The following IL1RAPL1 variants were observed in gnomAD, a reference collection of about 807,000 sequenced individuals.
IL1RAPL1 encodes interleukin-1 receptor accessory protein-like 1.
IL1RAPL1 carries 3 observed loss-of-function variants against 48.4 expected under a neutral mutation model. The ratio of observed to expected loss-of-function variants is 0.06; its 90% CI spans 0.03 to 0.16. The LOEUF (loss-of-function observed/expected upper bound fraction) is 0.16, where lower values mean the gene tolerates loss of function less well. Ranked by LOEUF, IL1RAPL1 falls within the 10% of genes least tolerant of loss-of-function variation. IL1RAPL1 has a pLI of 1.00. For missense variants in IL1RAPL1, 349 were observed against 530.6 expected, an observed-to-expected ratio of 0.66 and a Z score of 3.36; for synonymous variants, 185 against 187.7, an observed-to-expected ratio of 0.99 and a Z score of 0.12.
At chrX:28,698,544 TTTG>T (rs1261956107) in intron 1 of IL1RAPL1, among the ~76,000 whole-genome samples, 1 of 111,663 alleles carries the variant, frequency 9.0e-6, no homozygotes, top group African/African-American at 3.2e-5. Context: ...TTTTAGTGCT[TTTG>T]TTTTATATAA....
intron 3 of IL1RAPL1, among the ~76,000 whole-genome samples, chrX:29,363,777 G>A (rs184537327): frequency 5.4e-5 from 6 of 111,075 alleles, no homozygotes; most frequent in Non-Finnish European, 1.1e-4. Flanking sequence ...ACCAGATCTC[G>A]TGAGAACTCT....
intron 6 of IL1RAPL1, among the ~76,000 whole-genome samples, chrX:29,916,992 G>A (rs73456478): frequency 0.02 from 2,215 of 111,906 alleles, 52 homozygotes; most frequent in African/African-American, 0.064. Flanking sequence ...AGGATCTTGC[G>A]TTTATGGTTC....
At chrX:29,101,868 C>T (rs750800267) in intron 2 of IL1RAPL1, among the ~76,000 whole-genome samples, 5 of 111,274 alleles carry the variant, frequency 4.5e-5, no homozygotes, top group South Asian at 3.8e-4. Flanking sequence ...ACCCGGGAGG[C>T]GGAGGTTGCA....
intron 1 of IL1RAPL1, among the ~76,000 whole-genome samples, chrX:28,735,370 G>T (rs757992538): frequency 1.8e-5 from 2 of 110,497 alleles, no homozygotes; most frequent in African/African-American, 6.6e-5. Flanking sequence ...GTCTTGAAGG[G>T]CAGAAAGCAC....
chrX:29,760,879 T>G (rs746797672), intron 6 of IL1RAPL1, among the ~76,000 whole-genome samples: 2 of 112,151 alleles, frequency 1.8e-5, no homozygotes, highest in South Asian at 3.7e-4. Flanking sequence ...ATTCAACAAT[T>G]TTTTTATTGA....
chrX:28,630,983 G>A (rs1569141733), intron 1 of IL1RAPL1, among the ~76,000 whole-genome samples: 1 of 111,964 alleles, frequency 8.9e-6, no homozygotes, highest in Non-Finnish European at 1.9e-5. Flanking sequence ...AATAAGCAGC[G>A]CTAAGACAAG....
In IL1RAPL1 at chrX:29,567,368, GACTA is replaced by G. The variant is rs202109447; in HGVS notation, c.704-101056_704-101053del. Among the ~76,000 whole-genome samples the G allele has an allele frequency of 1.1e-4, 12 of 111,859 alleles. No individual in the cohort carries two copies. The South Asian group carries it at 3.3e-3, about 31-fold the overall frequency. On this transcript the variant is annotated intron_variant, in intron 5 of 10. Transcript: ENST00000378993. ...CAAAATAAATAAATTTTCTGATGTT[GACTA>G]ACTAAGACAACTTCTGTCCATAAAT...
chrX:29,774,516 G>A (rs1039172705), intron 6 of IL1RAPL1, among the ~76,000 whole-genome samples: 1 of 111,910 alleles, frequency 8.9e-6, no homozygotes, highest in Admixed American at 9.5e-5. Context: ...TCATGTTAAC[G>A]TATCAATTGC....
At chrX:29,698,834 A>G (rs952338223) in intron 6 of IL1RAPL1, among the ~76,000 whole-genome samples, 3 of 112,392 alleles carry the variant, frequency 2.7e-5, no homozygotes, top group African/African-American at 6.5e-5. Context: ...AAGTTCCTGC[A>G]TTTAGGATTC....
intron 5 of IL1RAPL1, among the ~76,000 whole-genome samples, chrX:29,520,991 G>T (rs757152039): frequency 9.0e-6 from 1 of 111,202 alleles, no homozygotes; most frequent in African/African-American, 3.3e-5. Context: ...CTCATGGTTT[G>T]TAATGTAATC....
At chrX:29,596,129 A>C (rs1230648993) in intron 5 of IL1RAPL1, among the ~76,000 whole-genome samples, 1 of 111,771 alleles carries the variant, frequency 8.9e-6, no homozygotes, top group Non-Finnish European at 1.9e-5. Flanking sequence ...TTTGGTGACT[A>C]TGGCCTTATA....
chrX:29,867,344 G>A (rs1238525084), intron 6 of IL1RAPL1, among the ~76,000 whole-genome samples: 1 of 111,423 alleles, frequency 9.0e-6, no homozygotes, highest in Admixed American at 9.6e-5. Context: ...CTAGTGTGAT[G>A]GTATTAAGAA....
At chrX:28,960,019 T>A (rs887537758) in intron 2 of IL1RAPL1, among the ~76,000 whole-genome samples, 22 of 112,013 alleles carry the variant, frequency 2.0e-4, no homozygotes, top group African/African-American at 7.1e-4. Flanking sequence ...AGGAGAAAGA[T>A]AAAAGATAGA....
chrX:29,217,428 T>C (rs897765339), intron 2 of IL1RAPL1, among the ~76,000 whole-genome samples: 7 of 112,452 alleles, frequency 6.2e-5, no homozygotes, highest in Admixed American at 5.7e-4. Flanking sequence ...AGAAGAATCA[T>C]GGTCTTTGTA....
At chrX:29,596,760 G>A (rs760501795) in intron 5 of IL1RAPL1, among the ~76,000 whole-genome samples, 1 of 111,914 alleles carries the variant, frequency 8.9e-6, no homozygotes, top group Non-Finnish European at 1.9e-5. Context: ...GGGACTTCCA[G>A]TATTATGTTG....
At chrX:29,468,532 C>T (rs1219222010) in intron 5 of IL1RAPL1, among the ~76,000 whole-genome samples, 2 of 99,369 alleles carry the variant, frequency 2.0e-5, no homozygotes, top group Non-Finnish European at 4.2e-5. Flanking sequence ...TCCTCCTAGG[C>T]ATAGTGGCGA....
intron 2 of IL1RAPL1, among the ~76,000 whole-genome samples, chrX:28,992,022 G>A (rs1482130135): frequency 9.0e-6 from 1 of 111,694 alleles, no homozygotes; most frequent in Non-Finnish European, 1.9e-5. Flanking sequence ...AGTTTTTACT[G>A]ACTGAATCCA....
chrX:29,643,076 A>G (rs1314705803), intron 5 of IL1RAPL1, among the ~76,000 whole-genome samples: 1 of 112,444 alleles, frequency 8.9e-6, no homozygotes, highest in African/African-American at 3.2e-5. Flanking sequence ...GCATCAAAGG[A>G]AACCTCATTT....
chrX:29,253,156 C>G (rs1362030147), intron 2 of IL1RAPL1, among the ~76,000 whole-genome samples: 1 of 108,282 alleles, frequency 9.2e-6, no homozygotes, highest in Non-Finnish European at 1.9e-5. Flanking sequence ...ATAGATAAAC[C>G]CAAGAAAAAT....
Sources: gnomAD v4.1 joint callset for allele counts (sites outside exome capture counted in the v4.1 genomes callset) on GRCh38, gnomAD v4.1.1 for gene constraint, MANE v1.5 for transcripts, NCBI Gene and HGNC (gene_info 2026-07-23, HGNC 2026-07-21) for gene names.